SPRED1: variants seen among roughly 807,000 people sequenced by gnomAD.
The protein encoded by SPRED1 is sprouty related EVH1 domain containing 1.
Under a neutral mutation model 52.3 loss-of-function variants are expected in SPRED1, and 18 were observed. The ratio of observed to expected loss-of-function variants is 0.34; its 90% confidence interval spans 0.24 to 0.51. The LOEUF (loss-of-function observed/expected upper bound fraction) is 0.51. SPRED1 is among the 20% of genes least tolerant of loss of function. The probability of loss-of-function intolerance (pLI) is 0.97; values close to 1 mark genes in which losing one functional copy is unlikely to be tolerated. For synonymous variants in SPRED1, 155 were observed against 179.7 expected (o/e 0.86, Z 1.10); for missense variants, 485 against 551.0 (o/e 0.88, Z 1.20).
intron 5 of SPRED1, among the ~76,000 whole-genome samples, chr15:38,347,602 A>AT (rs1457851567): frequency 4.0e-5 from 6 of 151,402 alleles, no homozygotes; most frequent in Admixed American, 2.6e-4. Context: ...TTAGGGGATA[A>AT]TTTATCATCT....
At chr15:38,278,837 T>C (rs989014584) in intron 1 of SPRED1, among the ~76,000 whole-genome samples, 1 of 149,296 alleles carries the variant, frequency 6.7e-6, no homozygotes, top group African/African-American at 2.5e-5. Flanking sequence ...TGTTTTTTTT[T>C]TTTTTTGTGA....
rs548256726 is a variant in SPRED1 at position 38,340,726 on chromosome 15, A to C, written c.582+831A>C. ...TTTTTTGTAGTTATTAGTAGAGATG[A>C]GGTTTCATCATCTTGGTCATGCTGG... On this transcript the variant is annotated intron_variant, in intron 5 of 6. Coordinates refer to ENST00000299084, the MANE Select transcript of SPRED1 (RefSeq NM_152594.3). Among the ~76,000 whole-genome samples the C allele has an allele frequency of 4.6e-5, 7 of 151,908 alleles. No homozygotes were observed. The East Asian group carries it at 1.4e-3, about 30-fold the overall frequency.
intron 5 of SPRED1, 91 bp downstream of exon 5, chr15:38,339,986 T>C: frequency 6.6e-7 from 1 of 1,504,664 alleles, no homozygotes; most frequent in Non-Finnish European, 9.2e-7. Flanking sequence ...CATCTGCCCT[T>C]TACCAGACAC....
In SPRED1 at chr15:38,357,227, A is replaced by G. The variant is rs1243657254; in HGVS notation, c.*5563A>G. 3.9e-5 allele frequency: 6 copies of G among 152,232 alleles called. No homozygotes were observed. The highest frequency in any genetic ancestry group is 3.9e-4 in the Admixed American group (6 of 15,292). 9.4% of individuals were successfully genotyped at this position (152,232 alleles called of 1,614,324 possible). A position where few individuals can be genotyped will look rare whatever the true frequency, so the allele number is the denominator to read the frequency against. On this transcript the variant is annotated 3_prime_UTR_variant, in exon 7 of 7. Transcript: ENST00000299084. ...TGATGGTTCAAAAAATACATTCATA[A>G]TAAAAGTCTTAACAAAATCACAGTT...
chr15:38,351,997 T>C lies in SPRED1; in HGVS notation c.*333T>C. 1 of 315,110 alleles carries C rather than the reference T, an allele frequency of 3.2e-6. No homozygotes were observed. The highest frequency in any genetic ancestry group is 5.9e-6 in the Non-Finnish European group (1 of 169,074). The allele number at this position is 315,110 out of a possible 1,614,324, so 19.5% of individuals were successfully genotyped here. On this transcript the variant is annotated 3_prime_UTR_variant, in exon 7 of 7. Coordinates refer to ENST00000299084, the MANE Select transcript of SPRED1 (RefSeq NM_152594.3). ...ATTTATGCATTAGGTGATGGGACTT[T>C]TAAAGGTTTGAATTTATTAGGACAC...
intron 1 of SPRED1, among the ~76,000 whole-genome samples, chr15:38,275,494 GTAT>G (rs1339586360): frequency 6.6e-6 from 1 of 151,994 alleles, no homozygotes; most frequent in Admixed American, 6.6e-5. Flanking sequence ...GAGGCTGGTG[GTAT>G]TATTATTACT....
chr15:38,354,535 C>G lies in SPRED1; in HGVS notation c.*2871C>G, dbSNP rs1484722673. 2.6e-5 allele frequency: 4 copies of G among 152,120 alleles called. No homozygotes were observed. Among genetic ancestry groups the G allele is most frequent in the African/African-American group, 9.7e-5 (4 of 41,414 alleles). The allele number at this position is 152,120 out of a possible 1,614,324, so 9.4% of individuals were successfully genotyped here. On this transcript the variant is annotated 3_prime_UTR_variant, in exon 7 of 7. Transcript: ENST00000299084. ...ACCACCTACTGGATGATTTCCAGGC[C>G]AGAGACATGAGATGGCAATAGGGAT...
At chr15:38,325,392 G>C (rs1895694137) in intron 4 of SPRED1, among the ~76,000 whole-genome samples, 1 of 151,948 alleles carries the variant, frequency 6.6e-6, no homozygotes, top group Non-Finnish European at 1.5e-5. Context: ...AACAGTTCTG[G>C]TTCCAAGCAT....
At chr15:38,315,583 T>TC (rs1356231569) in intron 2 of SPRED1, among the ~76,000 whole-genome samples, 3 of 142,632 alleles carry the variant, frequency 2.1e-5, no homozygotes, top group Non-Finnish European at 3.1e-5. Context: ...TCCCCTTTTT[T>TC]CCCCCTCTGT....
Position 38,302,390 on chromosome 15 carries a change from T to C in SPRED1, c.207+2843T>C, listed in dbSNP as rs539070977. ...ATACTTTACTGTTTTATTTTTATTT[T>C]TTTATTTTTTATTTTACTTTATTTT... On this transcript the variant is annotated intron_variant, in intron 2 of 6. Transcript: ENST00000299084. Among the ~76,000 whole-genome samples, 4 of 152,254 alleles carry C rather than the reference T, an allele frequency of 2.6e-5. 1 individual carries two copies. In the South Asian group the frequency reaches 8.3e-4, roughly 32 times the overall value.
intron 4 of SPRED1, among the ~76,000 whole-genome samples, chr15:38,337,971 C>T (rs4923787): frequency 0.83 from 121,749 of 147,416 alleles, 50,939 homozygotes; most frequent in Non-Finnish European, 0.9. Flanking sequence ...GAGGCCGAGG[C>T]GGGTGGATCA....
At chr15:38,347,280 C>A (rs1896157715) in intron 5 of SPRED1, among the ~76,000 whole-genome samples, 1 of 152,006 alleles carries the variant, frequency 6.6e-6, no homozygotes, top group Admixed American at 6.6e-5. Flanking sequence ...TGGAGCCTTT[C>A]CCCGCACTGA....
chr15:38,328,321 T>A (rs956320606), intron 4 of SPRED1, among the ~76,000 whole-genome samples: 7 of 152,238 alleles, frequency 4.6e-5, no homozygotes, highest in African/African-American at 1.4e-4. Flanking sequence ...CCCTTTTGGA[T>A]GTTCATTAAT....
intron 1 of SPRED1, among the ~76,000 whole-genome samples, chr15:38,257,400 T>A (rs1894119585): frequency 6.6e-6 from 1 of 152,164 alleles, no homozygotes; most frequent in Non-Finnish European, 1.5e-5. Context: ...TTAGCTGTAT[T>A]AGAAAAAAAG....
At chr15:38,277,735 G>T (rs11073307) in intron 1 of SPRED1, among the ~76,000 whole-genome samples, 2 of 152,122 alleles carry the variant, frequency 1.3e-5, no homozygotes, top group African/African-American at 2.4e-5. Flanking sequence ...CCCATGAGCA[G>T]TGTATAAGCA....
chr15:38,292,541 G>A (rs976219052), intron 1 of SPRED1, among the ~76,000 whole-genome samples: 52 of 152,124 alleles, frequency 3.4e-4, no homozygotes, highest in African/African-American at 1.2e-3. Context: ...GGTGGGAGGC[G>A]AAAGGCATTT....
At chr15:38,257,197 T>C (rs1894115712) in intron 1 of SPRED1, among the ~76,000 whole-genome samples, 1 of 152,120 alleles carries the variant, frequency 6.6e-6, no homozygotes, top group Non-Finnish European at 1.5e-5. Flanking sequence ...TTCGTACATA[T>C]GTATATTAGT....
Position 38,351,761 on chromosome 15 carries a change from C to T in SPRED1, c.*97C>T. The T allele has an allele frequency of 7.0e-7, 1 of 1,424,916 alleles. No homozygotes were observed. Among genetic ancestry groups the T allele is most frequent in the Non-Finnish European group, 9.6e-7 (1 of 1,039,432 alleles). The allele number at this position is 1,424,916 out of a possible 1,614,324, so 88.3% of individuals were successfully genotyped here. On this transcript the variant is annotated 3_prime_UTR_variant, in exon 7 of 7. Coordinates refer to ENST00000299084, the MANE Select transcript of SPRED1 (RefSeq NM_152594.3). ...TTTGGCAAGCAATATGGAATCTTGC[C>T]TGGTATCATTGAGCCCACACATGGA...
At position 38,292,655 on chromosome 15, in the gene SPRED1, A is replaced by G. The variant is rs1894947600; in HGVS notation, c.33-6718A>G. 2.0e-5 allele frequency among the ~76,000 whole-genome samples: 3 copies of G among 152,332 alleles called. No individual in the cohort carries two copies. The South Asian group carries it at 6.2e-4, about 32-fold the overall frequency. ...TCACTATCATGAGAATAGCACAGGA[A>G]AGACCGGCCCCCATGATTCAATTAA... On this transcript the variant is annotated intron_variant, in intron 1 of 6. Coordinates refer to ENST00000299084, the MANE Select transcript of SPRED1 (RefSeq NM_152594.3).
Sources: allele counts gnomAD v4.1 joint callset (sites outside exome capture counted in the v4.1 genomes callset), GRCh38; gene constraint gnomAD v4.1.1; transcripts MANE v1.5; gene names NCBI Gene and HGNC (gene_info 2026-07-23, HGNC 2026-07-21).